The following RBFOX1 variants were observed in gnomAD, a reference collection of about 807,000 sequenced individuals.
RBFOX1 encodes RNA binding fox-1 homolog 1, also known as RNA binding protein fox-1 homolog 1.
In RBFOX1, 8 loss-of-function variants were observed where a neutral mutation model predicts 57.7. The observed-to-expected ratio is 0.14, with a 90% confidence interval of 0.08 to 0.25. The LOEUF (loss-of-function observed/expected upper bound fraction) is 0.25, where lower values mean the gene tolerates loss of function less well. Among genes scored for constraint, RBFOX1 ranks in the 10% least tolerant of loss-of-function variants. The probability of loss-of-function intolerance (pLI) is 1.00; values close to 1 mark genes in which losing one functional copy is unlikely to be tolerated. For missense variants in RBFOX1, 611 were observed against 548.5 expected, an observed-to-expected ratio of 1.11 and a Z score of -1.14; for synonymous variants, 326 against 222.4, an observed-to-expected ratio of 1.47 and a Z score of -4.15.
chr16:6,074,838 C>T (rs1462233600), intron 1 of RBFOX1, among the ~76,000 whole-genome samples: 1 of 152,044 alleles, frequency 6.6e-6, no homozygotes, highest in Non-Finnish European at 1.5e-5. Flanking sequence ...TGGTGGCTTA[C>T]GTCTGTAATT....
intron 1 of RBFOX1, among the ~76,000 whole-genome samples, chr16:5,379,951 A>G (rs2066088247): frequency 1.3e-5 from 2 of 152,154 alleles, no homozygotes; most frequent in Admixed American, 1.3e-4. Flanking sequence ...CGTTGGAGGA[A>G]TCATCCCGGG....
At chr16:7,590,299 A>G (rs2094374797) in intron 7 of RBFOX1, among the ~76,000 whole-genome samples, 2 of 152,002 alleles carry the variant, frequency 1.3e-5, no homozygotes, top group African/African-American at 4.8e-5. Flanking sequence ...TGGAATATAG[A>G]TCCAGTATCT....
chr16:6,285,307 C>G (rs1454708230), intron 1 of RBFOX1, among the ~76,000 whole-genome samples: 3 of 152,044 alleles, frequency 2.0e-5, no homozygotes, highest in African/African-American at 7.2e-5. Flanking sequence ...AAAAGAACCT[C>G]AGAAAGGAAA....
intron 4 of RBFOX1, among the ~76,000 whole-genome samples, chr16:7,114,655 C>T (rs907413758): frequency 6.6e-6 from 1 of 152,170 alleles, no homozygotes; most frequent in Non-Finnish European, 1.5e-5. Context: ...CTGAGAAGTG[C>T]CTCATGCCTT....
intron 4 of RBFOX1, among the ~76,000 whole-genome samples, chr16:5,897,569 A>G (rs908039394): frequency 2.0e-5 from 3 of 152,152 alleles, no homozygotes; most frequent in Admixed American, 2.0e-4. Flanking sequence ...TGCTCCACTT[A>G]ATATAAAAGA....
chr16:7,184,662 C>G (rs1402702859), intron 4 of RBFOX1, among the ~76,000 whole-genome samples: 1 of 140,590 alleles, frequency 7.1e-6, no homozygotes, highest in Non-Finnish European at 1.5e-5. Flanking sequence ...ATGGGTATAC[C>G]TAAACAGTTA....
chr16:6,273,349 T>G (rs1254834993), intron 1 of RBFOX1, among the ~76,000 whole-genome samples: 1 of 146,276 alleles, frequency 6.8e-6, no homozygotes, highest in African/African-American at 2.5e-5. Context: ...GGTTTTTTTT[T>G]TTTTTTTTTT....
intron 4 of RBFOX1, among the ~76,000 whole-genome samples, chr16:6,005,026 G>T (rs1289434784): frequency 6.6e-6 from 1 of 152,212 alleles, no homozygotes. Flanking sequence ...AAACTTGGGG[G>T]AACTTTAAGA....
At chr16:7,047,803 G>C (rs1303238941) in intron 3 of RBFOX1, among the ~76,000 whole-genome samples, 2 of 111,562 alleles carry the variant, frequency 1.8e-5, no homozygotes, top group South Asian at 2.9e-4. Context: ...ATGTACTCAA[G>C]TTTACTTCTT....
intron 2 of RBFOX1, among the ~76,000 whole-genome samples, chr16:6,641,934 C>CT (rs1427986134): frequency 1.3e-5 from 2 of 152,034 alleles, no homozygotes; most frequent in Admixed American, 6.6e-5. Flanking sequence ...AGCCTCTTCT[C>CT]TTTTTTCCAT....
chr16:6,078,442 T>C (rs994226293), intron 1 of RBFOX1, among the ~76,000 whole-genome samples: 1 of 151,980 alleles, frequency 6.6e-6, no homozygotes, highest in East Asian at 1.9e-4. Flanking sequence ...CTGTCATTAG[T>C]ATTAATGTAT....
intron 3 of RBFOX1, among the ~76,000 whole-genome samples, chr16:6,760,063 C>T (rs1487294965): frequency 2.0e-5 from 3 of 152,030 alleles, no homozygotes; most frequent in Non-Finnish European, 4.4e-5. Context: ...GAGCATATGG[C>T]TCGGGGAGTC....
In RBFOX1 at chr16:5,957,300, C is replaced by T. The variant is rs143388782; in HGVS notation, c.351+89965C>T. ...CATGATCTCAGCTCACTGCAACCTC[C>T]ACCTCCGGTGTTCAAGCGATTCTCT... On this transcript the variant is annotated intron_variant, in intron 4 of 19. Coordinates refer to the RBFOX1 transcript ENST00000641259. Among the ~76,000 whole-genome samples the T allele has an allele frequency of 5.9e-3, 900 of 152,278 alleles. 3 individuals carry two copies. Among genetic ancestry groups the T allele is most frequent in the South Asian group, 0.014 (66 of 4,816 alleles).
chr16:5,414,853 G>T (rs981827404), intron 1 of RBFOX1, among the ~76,000 whole-genome samples: 6 of 152,150 alleles, frequency 3.9e-5, no homozygotes, highest in Admixed American at 2.6e-4. Context: ...TTCTTCTTGA[G>T]GAAGTTAAGG....
intron 1 of RBFOX1, among the ~76,000 whole-genome samples, chr16:5,240,406 G>C (rs2062135129): frequency 6.6e-6 from 1 of 152,176 alleles, no homozygotes; most frequent in African/African-American, 2.4e-5. Flanking sequence ...CCCCAGCAGG[G>C]GAAGGGGCGG....
rs2097010767 is a variant in RBFOX1, at chr16:7,346,501, T to C, written c.28-171646T>C. Among the ~76,000 whole-genome samples the C allele has an allele frequency of 2.6e-5, 4 of 152,126 alleles. No individual in the cohort carries two copies. The South Asian group carries it at 8.3e-4, about 32-fold the overall frequency. On this transcript the variant is annotated intron_variant, in intron 4 of 15. Transcript: ENST00000550418. ...TCACACCTTCCTCCCATGTTAGCAT[T>C]GGTTCTAAACTCCCAAGCACAGATG...
chr16:6,265,181 C>T (rs992955374), intron 1 of RBFOX1, among the ~76,000 whole-genome samples: 1 of 152,190 alleles, frequency 6.6e-6, no homozygotes, highest in Non-Finnish European at 1.5e-5. Context: ...ATGCTCTTCG[C>T]ACACTCACGT....
At chr16:7,422,070 A>C (rs1268115995) in intron 4 of RBFOX1, among the ~76,000 whole-genome samples, 1 of 152,168 alleles carries the variant, frequency 6.6e-6, no homozygotes, top group Non-Finnish European at 1.5e-5. Flanking sequence ...TGAAGCTGGG[A>C]CTTAAATAGA....
intron 4 of RBFOX1, among the ~76,000 whole-genome samples, chr16:7,510,487 C>CTGTGTGTGTGTGTGTGTG (rs59583874): frequency 1.3e-5 from 2 of 149,570 alleles, no homozygotes; most frequent in African/African-American, 4.9e-5. Flanking sequence ...GTATGTGTGT[C>CTGTGTGTGTGTGTGTGTG]TGTGTGTGTG....
Sources: allele counts gnomAD v4.1 joint callset (sites outside exome capture counted in the v4.1 genomes callset), GRCh38; gene constraint gnomAD v4.1.1; transcripts MANE v1.5; gene names NCBI Gene and HGNC (gene_info 2026-07-23, HGNC 2026-07-21).